The following PTK2B variants were observed in gnomAD, a reference collection of about 807,000 sequenced individuals.
PTK2B encodes protein-tyrosine kinase 2-beta.
PTK2B carries 71 observed loss-of-function variants against 142.9 expected under a neutral mutation model. The ratio of observed to expected loss-of-function variants is 0.50; its 90% CI spans 0.41 to 0.61. The LOEUF is 0.61. Ranked by LOEUF, PTK2B falls within the 20% of genes least tolerant of loss-of-function variation. The pLI, the probability that PTK2B is intolerant of heterozygous loss-of-function variation, is 0.00. For synonymous variants in PTK2B, 519 were observed against 503.4 expected (o/e 1.03, Z -0.42); for missense variants, 1,105 against 1,320.4 (o/e 0.84, Z 2.53).
At position 27,385,767 on chromosome 8, in the gene PTK2B, C is replaced by T. The variant is rs527513970; in HGVS notation, c.-37-11781C>T. 2.6e-5 allele frequency among the ~76,000 whole-genome samples: 4 copies of T among 151,940 alleles called. No homozygotes were observed. In the South Asian group the frequency reaches 8.3e-4, roughly 32 times the overall value. On this transcript the variant is annotated intron_variant, in intron 1 of 30. Coordinates refer to ENST00000346049, the MANE Select transcript of PTK2B (RefSeq NM_173176.3). ...AAATAGCTGGGTATGGGGGCGGGCA[C>T]CTATAATCCCAGCTACTCGGGAGGC...
intron 3 of PTK2B, among the ~76,000 whole-genome samples, chr8:27,316,001 C>G (rs1803086601): frequency 6.6e-6 from 1 of 152,144 alleles, no homozygotes; most frequent in South Asian, 2.1e-4. Flanking sequence ...ATCTTGGTGA[C>G]TAGAACCAAT....
chr8:27,321,599 G>C (rs114417267), upstream of PTK2B, among the ~76,000 whole-genome samples: 274 of 152,298 alleles, frequency 1.8e-3, no homozygotes, highest in African/African-American at 6.3e-3. Flanking sequence ...AGGTGGAAAA[G>C]ATAAAGTGGA....
chr8:27,427,609 C>T (rs926128743), intron 5 of PTK2B, among the ~76,000 whole-genome samples: 3 of 152,204 alleles, frequency 2.0e-5, no homozygotes, highest in East Asian at 3.8e-4. Flanking sequence ...TTTTATGGCT[C>T]ACTCAACCCA....
At chr8:27,404,621 C>G (rs1808590774) in intron 2 of PTK2B, among the ~76,000 whole-genome samples, 1 of 152,116 alleles carries the variant, frequency 6.6e-6, no homozygotes, top group African/African-American at 2.4e-5. Context: ...CAGCCTGGTC[C>G]ACACACACCT....
intron 20 of PTK2B, 140 bp from the exon 21 acceptor site, chr8:27,440,097 C>A: frequency 1.2e-6 from 1 of 822,336 alleles, no homozygotes; most frequent in Non-Finnish European, 1.9e-6. Context: ...CCATGGTAGG[C>A]AGGACCCCAG....
At chr8:27,441,551 A>G (rs947155482) in intron 21 of PTK2B, among the ~76,000 whole-genome samples, 1 of 152,196 alleles carries the variant, frequency 6.6e-6, no homozygotes, top group African/African-American at 2.4e-5. Flanking sequence ...GAGGCACCCC[A>G]GGGGATGCCA....
chr8:27,360,037 T>C (rs1563218441), intron 1 of PTK2B, among the ~76,000 whole-genome samples: 1 of 152,244 alleles, frequency 6.6e-6, no homozygotes, highest in Non-Finnish European at 1.5e-5. Flanking sequence ...AATTTCTTCT[T>C]TACCACTCGG....
At position 27,317,350 on chromosome 8, in the gene PTK2B, C is replaced by A. The variant is rs57306084; in HGVS notation, c.-414+4063C>A. Among the ~76,000 whole-genome samples, 326 of 152,260 alleles carry A rather than the reference C, an allele frequency of 2.1e-3. 1 individual carries two copies. The highest frequency in any genetic ancestry group is 7.6e-3 in the African/African-American group (315 of 41,540). Reference sequence around the variant, plus strand: ...TACCTGAGATACATTAGGGGCTCTGCTATTTATTATAAAAGGGAGAAAATT... The same window carrying A: ...TACCTGAGATACATTAGGGGCTCTGATATTTATTATAAAAGGGAGAAAATT... On this transcript the variant is annotated intron_variant, in intron 3 of 35. Coordinates refer to the PTK2B transcript ENST00000397501.
chr8:27,435,762 G>A lies in PTK2B; in HGVS notation c.1212G>A (p.Glu404=), dbSNP rs1586319781. 1 of 1,614,182 alleles carries A rather than the reference G, an allele frequency of 6.2e-7. No homozygotes were observed. The highest frequency in any genetic ancestry group is 2.2e-5 in the East Asian group (1 of 44,888). The change falls in exon 14 of 31, where the codon GAG becomes GAA. Residue 404 remains glutamate (E), a synonymous_variant. Transcript: ENST00000346049. ...SCSIESDIYA[E]IPDETLRRPG... is the part of the protein sequence containing the mutation. ...TTCCAGAGTCAGACATCTACGCAGAGATTCCCGACGAAACCCTGCGAAGGC... is the reference window on the plus strand; with the variant it reads ...TTCCAGAGTCAGACATCTACGCAGAAATTCCCGACGAAACCCTGCGAAGGC...
intron 2 of PTK2B, among the ~76,000 whole-genome samples, chr8:27,415,308 C>T (rs1449710524): frequency 2.0e-5 from 3 of 152,178 alleles, no homozygotes; most frequent in Non-Finnish European, 4.4e-5. Flanking sequence ...GGCTTGTACT[C>T]CTGGCTATTG....
chr8:27,381,501 T>A (rs1161371351), intron 1 of PTK2B, among the ~76,000 whole-genome samples: 1 of 152,248 alleles, frequency 6.6e-6, no homozygotes, highest in Non-Finnish European at 1.5e-5. Context: ...CATGTTGTTG[T>A]GAATGACAAG....
intron 1 of PTK2B, among the ~76,000 whole-genome samples, chr8:27,353,183 A>T (rs1805197648): frequency 6.6e-6 from 1 of 152,218 alleles, no homozygotes; most frequent in African/African-American, 2.4e-5. Flanking sequence ...TCCACTACAG[A>T]AGAGACCCAG....
intron 1 of PTK2B, among the ~76,000 whole-genome samples, chr8:27,386,850 A>G (rs1586210871): frequency 6.7e-6 from 1 of 149,432 alleles, no homozygotes; most frequent in Admixed American, 6.7e-5. Flanking sequence ...ACTTGGGTTT[A>G]TACTTTCTAG....
At chr8:27,347,252 C>T (rs545472661) in intron 1 of PTK2B, among the ~76,000 whole-genome samples, 58 of 151,100 alleles carry the variant, frequency 3.8e-4, no homozygotes, top group African/African-American at 8.8e-4. Context: ...TGGTGGCATG[C>T]GCCTGTAATC....
chr8:27,356,033 A>AG (rs1805372886), intron 1 of PTK2B, among the ~76,000 whole-genome samples: 1 of 152,138 alleles, frequency 6.6e-6, no homozygotes, highest in African/African-American at 2.4e-5. Context: ...AAAAAAAAAA[A>AG]AAGTTCCAGT....
At chr8:27,327,560 A>G (rs1276309084) in intron 1 of PTK2B, among the ~76,000 whole-genome samples, 2 of 152,192 alleles carry the variant, frequency 1.3e-5, no homozygotes, top group African/African-American at 4.8e-5. Context: ...GGTTGGCGCA[A>G]TGCTGTGAAG....
Position 27,439,363 on chromosome 8 carries a change from G to A in PTK2B, c.1799G>A (p.Arg600Gln), listed in dbSNP as rs1350927918. The change falls in exon 20 of 31, where the codon CGA becomes CAA. Residue 600 changes from arginine to glutamine, a missense_variant. Coordinates refer to ENST00000346049, the MANE Select transcript of PTK2B (RefSeq NM_173176.3). Reference sequence around the variant, plus strand: ...ATGTCCCCAGAGTCCATTAACTTCCGACGCTTCACGACAGCCAGTGACGTC... The same window carrying A: ...ATGTCCCCAGAGTCCATTAACTTCCAACGCTTCACGACAGCCAGTGACGTC... The part of the protein sequence containing the change: ...KWMSPESINF[R>Q]RFTTASDVWM... 1.9e-5 allele frequency: 30 copies of A among 1,613,978 alleles called. No homozygotes were observed. The highest frequency in any genetic ancestry group is 4.0e-5 in the African/African-American group (3 of 74,914).
chr8:27,322,504 G>A (rs923164405), upstream of PTK2B: 41 of 152,302 alleles, frequency 2.7e-4, no homozygotes, highest in African/African-American at 9.1e-4. Flanking sequence ...TGGCAGGTAT[G>A]TATGTACTAT....
chr8:27,416,139 C>T (rs1167206032), intron 2 of PTK2B, among the ~76,000 whole-genome samples: 1 of 152,104 alleles, frequency 6.6e-6, no homozygotes, highest in Non-Finnish European at 1.5e-5. Context: ...TAACACAGTC[C>T]CACTCATAAT....
Sources: gnomAD v4.1 joint callset for allele counts (sites outside exome capture counted in the v4.1 genomes callset) on GRCh38, gnomAD v4.1.1 for gene constraint, MANE v1.5 for transcripts, NCBI Gene and HGNC (gene_info 2026-07-23, HGNC 2026-07-21) for gene names.